UTRN: variants seen among roughly 807,000 people sequenced by gnomAD.
UTRN encodes the protein dystrophin-related protein 1.
Under a neutral mutation model 463.9 loss-of-function variants are expected in UTRN, and 283 were observed. The observed-to-expected ratio is 0.61, with a 90% CI of 0.55 to 0.67. UTRN has a LOEUF of 0.67. Ranked by LOEUF, UTRN falls within the 30% of genes least tolerant of loss-of-function variation. The probability of loss-of-function intolerance (pLI) is 0.00; values close to 1 mark genes in which losing one functional copy is unlikely to be tolerated. For synonymous variants in UTRN, 1,442 were observed against 1,431.5 expected, an observed-to-expected ratio of 1.01 and a Z score of -0.17; for missense variants, 3,922 against 4,084.3, an observed-to-expected ratio of 0.96 and a Z score of 1.08.
intron 56 of UTRN, among the ~76,000 whole-genome samples, chr6:144,752,407 T>C (rs1791498323): frequency 6.6e-6 from 1 of 152,122 alleles, no homozygotes. Flanking sequence ...ATACCAGTGG[T>C]GTTTACCTTT....
rs5880591 is a variant in UTRN at position 144,346,875 on chromosome 6, C to CATCTATCTATCTATCT, written c.79+54984_79+54999dup. Among the ~76,000 whole-genome samples, 681 of 151,202 alleles carry CATCTATCTATCTATCT rather than the reference C, an allele frequency of 4.5e-3. 5 individuals are homozygous for CATCTATCTATCTATCT. The highest frequency in any genetic ancestry group is 0.015 in the African/African-American group (617 of 40,876). On this transcript the variant is annotated intron_variant, in intron 2 of 74. Transcript: ENST00000367545. ...ACTATCTCTCTGTCTATCTATGTAT[C>CATCTATCTATCTATCT]ATCTATCTATCTATCTATCTATCTA...
chr6:144,665,059 G>A (rs1247338575), intron 51 of UTRN, among the ~76,000 whole-genome samples: 1 of 152,088 alleles, frequency 6.6e-6, no homozygotes, highest in Non-Finnish European at 1.5e-5. Context: ...ACATGATAGC[G>A]AAATTGTTCT....
In UTRN at chr6:144,551,067, G is replaced by A. The variant is rs775300691; in HGVS notation, c.6913G>A (p.Ala2305Thr). 7 of 1,590,392 alleles carry A rather than the reference G, an allele frequency of 4.4e-6. No individual in the cohort carries two copies. The African/African-American group carries it at 8.2e-5, about 19-fold the overall frequency. ...NKASSSDMRT[A>T]ITEKLERVKN... is the part of the protein sequence containing the mutation. Reference sequence around the variant, plus strand: ...AGCTTCCAGTTCAGATATGAGAACAGCAATTACAGAAAAATGTAAGTTTTT... The same window carrying A: ...AGCTTCCAGTTCAGATATGAGAACAACAATTACAGAAAAATGTAAGTTTTT... Residue 2305 changes from alanine (A) to threonine (T), a missense_variant, in exon 48 of 75, where the codon GCA (alanine) becomes ACA (threonine). Coordinates refer to ENST00000367545, the MANE Select transcript of UTRN (RefSeq NM_007124.3).
chr6:144,553,390 C>A (rs73603015), intron 48 of UTRN, among the ~76,000 whole-genome samples: 27,419 of 152,046 alleles, frequency 0.18, 2,631 homozygotes, highest in South Asian at 0.31. Flanking sequence ...AAGAACTTTG[C>A]CAAAGTGTTC....
At chr6:144,354,567 C>T (rs1778389678) in intron 2 of UTRN, among the ~76,000 whole-genome samples, 1 of 152,186 alleles carries the variant, frequency 6.6e-6, no homozygotes, top group African/African-American at 2.4e-5. Context: ...TACTTTGGAG[C>T]CAGTGTCCAG....
intron 54 of UTRN, among the ~76,000 whole-genome samples, chr6:144,744,305 C>CATAT (rs367840531): frequency 3.1e-5 from 3 of 97,422 alleles, no homozygotes; most frequent in South Asian, 3.5e-4. Flanking sequence ...ATGGTGTATA[C>CATAT]ATATATATAT....
At chr6:144,741,036 G>C (rs1387947627) in intron 54 of UTRN, among the ~76,000 whole-genome samples, 3 of 152,194 alleles carry the variant, frequency 2.0e-5, no homozygotes, top group Non-Finnish European at 4.4e-5. Flanking sequence ...CTCTTTGAGC[G>C]TGGTATAATG....
At chr6:144,477,533 TACACACACACAC>T (rs10651559) in intron 25 of UTRN, among the ~76,000 whole-genome samples, 1 of 146,758 alleles carries the variant, frequency 6.8e-6, no homozygotes, top group East Asian at 2.0e-4. Flanking sequence ...TTTCTCTTTA[TACACACACACAC>T]ACACACACAC....
chr6:144,793,568 C>T (rs547213905), intron 62 of UTRN, among the ~76,000 whole-genome samples: 2 of 152,202 alleles, frequency 1.3e-5, no homozygotes, highest in South Asian at 4.2e-4. Flanking sequence ...ATTATATATG[C>T]ATGATTTATG....
Position 144,771,908 on chromosome 6 carries a change from C to T in UTRN, c.8497C>T (p.His2833Tyr), listed in dbSNP as rs756161493. The change falls in exon 59 of 75, where the codon CAT becomes TAT. Residue 2833 changes from histidine (H) to tyrosine (Y), a missense_variant and splice_region_variant. His to Tyr is a moderately conservative substitution (Grantham distance 83). Coordinates refer to ENST00000367545, the MANE Select transcript of UTRN (RefSeq NM_007124.3). ...SHNKVPYYIN[H>Y]QTQTTCWDHP... ...TAAAATTTTACCTTTTTTTTCCAGC[C>T]ATCAAACACAGACCACCTGTTGGGA... The T allele has an allele frequency of 1.9e-6, 3 of 1,583,664 alleles. No homozygotes were observed. The highest frequency in any genetic ancestry group is 2.6e-6 in the Non-Finnish European group (3 of 1,169,746).
At chr6:144,784,909 C>T (rs1776173137) in intron 61 of UTRN, among the ~76,000 whole-genome samples, 1 of 152,206 alleles carries the variant, frequency 6.6e-6, no homozygotes, top group Non-Finnish European at 1.5e-5. Context: ...AAAGACCATG[C>T]TGGATCAGAA....
intron 32 of UTRN, among the ~76,000 whole-genome samples, chr6:144,492,990 T>C (rs1216555233): frequency 1.3e-5 from 2 of 152,254 alleles, no homozygotes; most frequent in African/African-American, 4.8e-5. Flanking sequence ...CTGTTTTTAG[T>C]CCTAATGTTT....
At chr6:144,492,796 T>A (rs552141149) in intron 32 of UTRN, among the ~76,000 whole-genome samples, 308 of 152,336 alleles carry the variant, frequency 2.0e-3, no homozygotes, top group African/African-American at 7.0e-3. Context: ...TCTTGATATA[T>A]CGAGTTTTGT....
At position 144,413,254 on chromosome 6, in the gene UTRN, A is replaced by G. The variant is rs143638178; in HGVS notation, c.142-8624A>G. On this transcript the variant is annotated intron_variant, in intron 3 of 74. Coordinates refer to ENST00000367545, the MANE Select transcript of UTRN (RefSeq NM_007124.3). Reference sequence around the variant, plus strand: ...TGAAGCTGAAAAATTCCCATAGCTTAGTGATGCTGTAACTGTTATAAGGGC... The same window carrying G: ...TGAAGCTGAAAAATTCCCATAGCTTGGTGATGCTGTAACTGTTATAAGGGC... 1.4e-3 allele frequency among the ~76,000 whole-genome samples: 220 copies of G among 152,322 alleles called. 6 individuals are homozygous for G. The East Asian group carries it at 0.041, about 28-fold the overall frequency.
intron 53 of UTRN, among the ~76,000 whole-genome samples, chr6:144,722,610 G>A (rs1787325187): frequency 6.6e-6 from 1 of 152,054 alleles, no homozygotes; most frequent in Non-Finnish European, 1.5e-5. Context: ...CTAGAGCTTT[G>A]CTGTGTAACA....
In UTRN at chr6:144,430,919, A is replaced by C. The variant is rs576402908; in HGVS notation, c.855+1178A>C. The stretch of plus-strand genomic sequence containing the variant: ...TTTCCCCCGTTTCAAAAATAGTGTG[A>C]TTTATAGAAAAAGAAAAAAATTTAC... On this transcript the variant is annotated intron_variant, in intron 9 of 74. Transcript: ENST00000367545. Among the ~76,000 whole-genome samples the C allele has an allele frequency of 2.0e-5, 3 of 152,192 alleles. 1 individual carries two copies. The South Asian group carries it at 6.2e-4, about 32-fold the overall frequency.
intron 2 of UTRN, among the ~76,000 whole-genome samples, chr6:144,324,361 C>T (rs1190892755): frequency 2.0e-5 from 3 of 152,108 alleles, no homozygotes; most frequent in African/African-American, 4.8e-5. Flanking sequence ...TAAAATTTCA[C>T]ATTTGAAAAT....
At chr6:144,726,701 A>G (rs545866375) in intron 53 of UTRN, among the ~76,000 whole-genome samples, 1 of 152,318 alleles carries the variant, frequency 6.6e-6, no homozygotes, top group South Asian at 2.1e-4. Context: ...GGAATGCTAC[A>G]TTCAATAAGG....
intron 57 of UTRN, among the ~76,000 whole-genome samples, chr6:144,756,107 C>T (rs1791961566): frequency 6.6e-6 from 1 of 152,030 alleles, no homozygotes; most frequent in South Asian, 2.1e-4. Flanking sequence ...TTTTTAAAGT[C>T]CAGATACCAT....
Sources: allele counts gnomAD v4.1 joint callset (sites outside exome capture counted in the v4.1 genomes callset), GRCh38; gene constraint gnomAD v4.1.1; transcripts MANE v1.5; gene names NCBI Gene and HGNC (gene_info 2026-07-23, HGNC 2026-07-21).